The following MAF variants were observed in gnomAD, a reference collection of about 807,000 sequenced individuals.
The protein encoded by MAF is transcription factor Maf.
A neutral mutation model predicts 22.0 loss-of-function variants in MAF; 10 were observed. The ratio of observed to expected loss-of-function variants is 0.45; its 90% CI spans 0.28 to 0.77. The LOEUF is 0.77. Ranked by LOEUF, MAF falls within the 30% of genes least tolerant of loss-of-function variation. The probability of loss-of-function intolerance (pLI) is 0.12; values close to 1 mark genes in which losing one functional copy is unlikely to be tolerated. For missense variants in MAF, 544 were observed against 548.4 expected, an observed-to-expected ratio of 0.99 and a Z score of 0.08; for synonymous variants, 337 against 255.8, an observed-to-expected ratio of 1.32 and a Z score of -3.03.
the MAF span, among the ~76,000 whole-genome samples, chr16:79,271,566 C>T: frequency 6.6e-6 from 1 of 152,166 alleles, no homozygotes; most frequent in Non-Finnish European, 1.5e-5. Context: ...GTAATTCAAG[C>T]ATTAAAATAA....
chr16:79,526,668 C>A, the MAF span, among the ~76,000 whole-genome samples: 2 of 152,202 alleles, frequency 1.3e-5, no homozygotes, highest in South Asian at 2.1e-4. Context: ...AAAACAACAA[C>A]AACAAAAAAC....
the MAF span, among the ~76,000 whole-genome samples, chr16:79,439,151 T>A: frequency 6.6e-6 from 1 of 152,126 alleles, no homozygotes; most frequent in Non-Finnish European, 1.5e-5. Context: ...TCATTCATCG[T>A]TCATTTACGT....
the MAF span, among the ~76,000 whole-genome samples, chr16:79,290,571 A>C: frequency 2.0e-5 from 3 of 150,956 alleles, no homozygotes; most frequent in African/African-American, 2.4e-5. Flanking sequence ...GTGTGTGTAC[A>C]TTATCTAATC....
chr16:79,508,874 G>A, the MAF span, among the ~76,000 whole-genome samples: 2 of 152,152 alleles, frequency 1.3e-5, no homozygotes, highest in African/African-American at 4.8e-5. Flanking sequence ...AGGGAATGGG[G>A]CGTGACTCTT....
At chr16:79,488,260 A>C in the MAF span, among the ~76,000 whole-genome samples, 3 of 152,262 alleles carry the variant, frequency 2.0e-5, no homozygotes, top group African/African-American at 7.2e-5. Flanking sequence ...AAGAAAATCA[A>C]ACCTTGTGAG....
chr16:79,223,533 A>G, the MAF span, among the ~76,000 whole-genome samples: 3 of 152,312 alleles, frequency 2.0e-5, no homozygotes, highest in East Asian at 5.8e-4. Flanking sequence ...TGAAGGAGAT[A>G]GAGACACAAA....
the MAF span, among the ~76,000 whole-genome samples, chr16:79,317,499 T>G: frequency 6.8e-5 from 9 of 132,388 alleles, no homozygotes; most frequent in African/African-American, 2.5e-4. Context: ...CCGTTCTCCC[T>G]TTCTTTTCTG....
the MAF span, among the ~76,000 whole-genome samples, chr16:79,258,901 G>C: frequency 6.6e-6 from 1 of 152,176 alleles, no homozygotes; most frequent in Non-Finnish European, 1.5e-5. Flanking sequence ...CTAGGGGAGG[G>C]AGGGTAGAGA....
the MAF span, among the ~76,000 whole-genome samples, chr16:79,389,936 ACTGCAC>A: frequency 7.9e-6 from 1 of 127,024 alleles, no homozygotes; most frequent in Non-Finnish European, 1.6e-5. Flanking sequence ...AGATCGTACC[ACTGCAC>A]CTCCAGCACG....
chr16:79,434,943 T>A, the MAF span, among the ~76,000 whole-genome samples: 1 of 152,154 alleles, frequency 6.6e-6, no homozygotes, highest in Non-Finnish European at 1.5e-5. Context: ...CAACGATTTG[T>A]TAATGGTCTG....
the MAF span, among the ~76,000 whole-genome samples, chr16:79,244,670 C>T: frequency 6.6e-6 from 1 of 152,000 alleles, no homozygotes; most frequent in African/African-American, 2.4e-5. Flanking sequence ...TCAGTGCTAT[C>T]CCCATCAAGC....
chr16:79,291,943 G>T, the MAF span, among the ~76,000 whole-genome samples: 1 of 151,224 alleles, frequency 6.6e-6, no homozygotes, highest in Non-Finnish European at 1.5e-5. Context: ...TCTCATGAGG[G>T]TACAACAGTA....
the MAF span, among the ~76,000 whole-genome samples, chr16:79,429,217 T>C: frequency 6.6e-6 from 1 of 152,174 alleles, no homozygotes; most frequent in Non-Finnish European, 1.5e-5. Flanking sequence ...CACGCTAGAC[T>C]GGCCTATCTC....
chr16:79,296,082 A>G, the MAF span, among the ~76,000 whole-genome samples: 3 of 152,254 alleles, frequency 2.0e-5, no homozygotes, highest in Admixed American at 2.0e-4. Context: ...GAAAGTCGAA[A>G]GCTGATTCCA....
chr16:79,510,143 C>T, the MAF span, among the ~76,000 whole-genome samples: 1 of 152,208 alleles, frequency 6.6e-6, no homozygotes, highest in Non-Finnish European at 1.5e-5. Context: ...AAAATGGGTA[C>T]AACAACTGTG....
the MAF span, among the ~76,000 whole-genome samples, chr16:79,312,443 C>G: frequency 2.0e-5 from 3 of 152,162 alleles, no homozygotes; most frequent in Non-Finnish European, 4.4e-5. Context: ...ATGCATTTCA[C>G]GTGGTCTGGC....
chr16:79,497,076 A>G, the MAF span, among the ~76,000 whole-genome samples: 1 of 152,194 alleles, frequency 6.6e-6, no homozygotes, highest in Non-Finnish European at 1.5e-5. Flanking sequence ...AACTCTCTTA[A>G]GTCATTTAGT....
the MAF span, among the ~76,000 whole-genome samples, chr16:79,421,437 G>A: frequency 2.0e-5 from 3 of 152,140 alleles, no homozygotes; most frequent in East Asian, 5.8e-4. Flanking sequence ...CATAGTTTTG[G>A]CTTTTCCACA....
At chr16:79,360,034 G>C in the MAF span, among the ~76,000 whole-genome samples, 1 of 152,152 alleles carries the variant, frequency 6.6e-6, no homozygotes, top group African/African-American at 2.4e-5. Context: ...TTGGGGAAGA[G>C]GGTGGGGTGG....
Sources: allele counts gnomAD v4.1 joint callset (sites outside exome capture counted in the v4.1 genomes callset), GRCh38; gene constraint gnomAD v4.1.1; transcripts MANE v1.5; gene names NCBI Gene and HGNC (gene_info 2026-07-23, HGNC 2026-07-21).